The following METTL15 variants were observed in gnomAD, a reference collection of about 807,000 sequenced individuals.
METTL15 encodes the protein methyltransferase 15, mitochondrial 12S rRNA N4-cytidine, also known as 12S rRNA N(4)-cytidine methyltransferase METTL15.
A neutral mutation model predicts 38.3 loss-of-function variants in METTL15; 34 were observed. That is an observed-to-expected ratio of 0.89 (90% CI 0.68 to 1.18). The LOEUF (loss-of-function observed/expected upper bound fraction) is 1.18. Among genes scored for constraint, METTL15 ranks in the 50% most tolerant of loss-of-function variants. The pLI, the probability that METTL15 is intolerant of heterozygous loss-of-function variation, is 0.00. For missense variants in METTL15, 438 were observed against 498.4 expected, an observed-to-expected ratio of 0.88 and a Z score of 1.15; for synonymous variants, 162 against 170.9, an observed-to-expected ratio of 0.95 and a Z score of 0.41.
At chr11:28,292,321 T>C (rs1230483148) in intron 5 of METTL15, among the ~76,000 whole-genome samples, 4 of 151,062 alleles carry the variant, frequency 2.6e-5, no homozygotes, top group Non-Finnish European at 5.9e-5. Context: ...TGGTTTTTTG[T>C]CCTTGCTATA....
At chr11:28,378,490 G>C (rs1256617361) in intron 5 of METTL15, among the ~76,000 whole-genome samples, 1 of 152,216 alleles carries the variant, frequency 6.6e-6, no homozygotes, top group Non-Finnish European at 1.5e-5. Context: ...TCCCAAGTGA[G>C]GCAATGCCTC....
rs187446204 is a variant in METTL15, at chr11:28,165,778, C to T, written c.271-45284C>T. Among the ~76,000 whole-genome samples the T allele has an allele frequency of 2.0e-3, 302 of 151,894 alleles. 6 individuals carry two copies. Among genetic ancestry groups the T allele is most frequent in the Non-Finnish European group, 3.4e-4 (23 of 67,942 alleles). ...CCATATGTTTTCTTCTAGTAGTTTT[C>T]GTATTTTCTGATAATGTATTTAAGT... On this transcript the variant is annotated intron_variant, in intron 3 of 6. Transcript: ENST00000407364.
chr11:28,529,396 A>G (rs555650050), downstream of METTL15, among the ~76,000 whole-genome samples: 1 of 152,150 alleles, frequency 6.6e-6, no homozygotes, highest in South Asian at 2.1e-4. Flanking sequence ...TTTAAAGCAC[A>G]AAGGATGTAA....
At chr11:28,133,081 A>G (rs1364719821) in intron 3 of METTL15, among the ~76,000 whole-genome samples, 1 of 152,190 alleles carries the variant, frequency 6.6e-6, no homozygotes, top group Admixed American at 6.5e-5. Context: ...ACAATATCCT[A>G]ACTGGGGGTA....
chr11:28,498,051 CAA>C (rs61242332), intron 6 of METTL15, among the ~76,000 whole-genome samples: 516 of 139,700 alleles, frequency 3.7e-3, no homozygotes, highest in African/African-American at 3.9e-3. Flanking sequence ...GAGACTGTTT[CAA>C]AAAAAAAAAA....
chr11:28,203,400 G>C (rs1486366357), intron 3 of METTL15, among the ~76,000 whole-genome samples: 1 of 152,046 alleles, frequency 6.6e-6, no homozygotes, highest in Non-Finnish European at 1.5e-5. Flanking sequence ...TAGGTTGGTA[G>C]AACACTGGTT....
At position 28,438,205 on chromosome 11, in the gene METTL15, G is replaced by T. The variant is rs145648349; in HGVS notation, c.*424+13841G>T. Among the ~76,000 whole-genome samples, 287 of 152,246 alleles carry T rather than the reference G, an allele frequency of 1.9e-3. 1 individual carries two copies. Among genetic ancestry groups the T allele is most frequent in the African/African-American group, 6.5e-3 (271 of 41,546 alleles). Reference sequence around the variant, plus strand: ...TATTATTATCCTTGTTTTCATTCTTGCTCAAAGACCTTTTCCCAGGCAGTG... The same window carrying T: ...TATTATTATCCTTGTTTTCATTCTTTCTCAAAGACCTTTTCCCAGGCAGTG... On this transcript the variant is annotated intron_variant and NMD_transcript_variant, in intron 6 of 7. Transcript: ENST00000532947.
chr11:28,178,420 A>C (rs759069342), intron 3 of METTL15, among the ~76,000 whole-genome samples: 2 of 151,860 alleles, frequency 1.3e-5, no homozygotes, highest in Non-Finnish European at 2.9e-5. Flanking sequence ...TAACTCATGT[A>C]ATTATTTCAC....
In METTL15 at chr11:28,205,922, C is replaced by T. The variant is rs1207856752; in HGVS notation, c.271-5140C>T. 1.2e-3 allele frequency among the ~76,000 whole-genome samples: 171 copies of T among 145,906 alleles called. 2 individuals are homozygous for T. The highest frequency in any genetic ancestry group is 4.0e-3 in the African/African-American group (145 of 36,702). ...AATGTCTTCTTTTGAGAAGTGTCTG[C>T]TCATGTCCTTCGCCCACTTTTTGAT... is the stretch of plus-strand genomic sequence containing the variant. On this transcript the variant is annotated intron_variant, in intron 3 of 6. Transcript: ENST00000407364.
chr11:28,137,834 T>G (rs1849565118), intron 3 of METTL15, among the ~76,000 whole-genome samples: 1 of 152,206 alleles, frequency 6.6e-6, no homozygotes, highest in Non-Finnish European at 1.5e-5. Flanking sequence ...TTATTTTTCT[T>G]TAGGCCAATC....
At chr11:28,236,769 C>T (rs973824809) in intron 4 of METTL15, among the ~76,000 whole-genome samples, 3 of 152,058 alleles carry the variant, frequency 2.0e-5, no homozygotes. Context: ...TTAGTGCTTC[C>T]TTCAGGAGCT....
At chr11:28,411,663 T>G (rs2133413127) in intron 5 of METTL15, among the ~76,000 whole-genome samples, 1 of 152,062 alleles carries the variant, frequency 6.6e-6, no homozygotes, top group African/African-American at 2.4e-5. Flanking sequence ...AAAAGCTCCT[T>G]GATCTTGGAC....
intron 3 of METTL15, among the ~76,000 whole-genome samples, chr11:28,182,191 T>C (rs1590119659): frequency 6.6e-6 from 1 of 152,182 alleles, no homozygotes; most frequent in African/African-American, 2.4e-5. Flanking sequence ...GTAAAAATTT[T>C]CTCCCATTCT....
chr11:28,209,713 A>T (rs1343193337), intron 3 of METTL15, among the ~76,000 whole-genome samples: 1 of 152,022 alleles, frequency 6.6e-6, no homozygotes, highest in African/African-American at 2.4e-5. Context: ...GATGGGACTT[A>T]GCATGGTAGA....
At chr11:28,460,069 A>C (rs1425366568) in intron 6 of METTL15, among the ~76,000 whole-genome samples, 1 of 152,022 alleles carries the variant, frequency 6.6e-6, no homozygotes, top group Non-Finnish European at 1.5e-5. Flanking sequence ...GTTTAAATAA[A>C]CACATTTTTA....
At chr11:28,490,053 G>C (rs1851481762) in intron 6 of METTL15, among the ~76,000 whole-genome samples, 1 of 152,108 alleles carries the variant, frequency 6.6e-6, no homozygotes, top group Non-Finnish European at 1.5e-5. Context: ...GAGGGAAGAA[G>C]GGGAGGAAGC....
At chr11:28,393,524 C>T (rs561541234) in intron 5 of METTL15, among the ~76,000 whole-genome samples, 8 of 152,060 alleles carry the variant, frequency 5.3e-5, no homozygotes, top group South Asian at 2.1e-4. Context: ...GCTGGCTGGA[C>T]GATCTAGCTT....
chr11:28,457,831 T>C (rs548864401), intron 6 of METTL15, among the ~76,000 whole-genome samples: 5 of 152,316 alleles, frequency 3.3e-5, no homozygotes, highest in African/African-American at 1.2e-4. Context: ...TAACATAATC[T>C]GATGACAATG....
intron 5 of METTL15, among the ~76,000 whole-genome samples, chr11:28,371,878 C>A (rs1034807707): frequency 4.6e-5 from 7 of 151,986 alleles, no homozygotes; most frequent in African/African-American, 1.7e-4. Flanking sequence ...TCAGTTCTAA[C>A]AATTTTTTGT....
Sources: gnomAD v4.1 joint callset for allele counts (sites outside exome capture counted in the v4.1 genomes callset) on GRCh38, gnomAD v4.1.1 for gene constraint, MANE v1.5 for transcripts, NCBI Gene and HGNC (gene_info 2026-07-23, HGNC 2026-07-21) for gene names.